The following GRIK4 variants were observed in gnomAD, a reference collection of about 807,000 sequenced individuals.
The protein encoded by GRIK4 is glutamate ionotropic receptor kainate type subunit 4, also known as glutamate receptor ionotropic, kainate 4.
GRIK4 carries 40 observed loss-of-function variants against 104.9 expected under a neutral mutation model. The ratio of observed to expected loss-of-function variants is 0.38; its 90% CI spans 0.30 to 0.50. The LOEUF is 0.50. Among genes scored for constraint, GRIK4 ranks in the 20% least tolerant of loss-of-function variants. The probability of loss-of-function intolerance (pLI) is 0.93; values close to 1 mark genes in which losing one functional copy is unlikely to be tolerated. For synonymous variants in GRIK4, 485 were observed against 524.9 expected (o/e 0.92, Z 1.04); for missense variants, 1,047 against 1,308.1 (o/e 0.80, Z 3.08).
At chr11:120,896,251 C>T (rs1389095749) in intron 11 of GRIK4, among the ~76,000 whole-genome samples, 1 of 152,234 alleles carries the variant, frequency 6.6e-6, no homozygotes, top group Non-Finnish European at 1.5e-5. Flanking sequence ...CTTAAGAGTG[C>T]AGGGCTTAAA....
chr11:120,612,299 A>G (rs984619232), intron 1 of GRIK4, among the ~76,000 whole-genome samples: 1 of 152,052 alleles, frequency 6.6e-6, no homozygotes, highest in African/African-American at 2.4e-5. Flanking sequence ...TAAATTTCCT[A>G]CTATATTTGT....
chr11:120,889,741 A>T (rs1277763924), intron 11 of GRIK4, among the ~76,000 whole-genome samples: 1 of 151,662 alleles, frequency 6.6e-6, no homozygotes, highest in Non-Finnish European at 1.5e-5. Context: ...AGTAGTTATG[A>T]TTACAGGCAT....
rs999735588 is a variant in GRIK4 at position 120,962,388 on chromosome 11, C to T, written c.2041-68C>T. On this transcript the variant is annotated intron_variant, in intron 17 of 20. Transcript: ENST00000527524. ...CGGCATCTTAAGGTGCACTTTGATT[C>T]CCTCTCTTTTTAAGCCAACGTTTCC... 1.2e-4 allele frequency: 128 copies of T among 1,061,814 alleles called. No individual in the cohort carries two copies. The African/African-American group carries it at 1.4e-3, about 12-fold the overall frequency. 65.8% of individuals were successfully genotyped at this position (1,061,814 alleles called of 1,614,324 possible).
chr11:120,539,731 A>T (rs1948013452), intron 1 of GRIK4, among the ~76,000 whole-genome samples: 1 of 152,202 alleles, frequency 6.6e-6, no homozygotes, highest in African/African-American at 2.4e-5. Flanking sequence ...CAAACACACA[A>T]GCAAAACGCC....
rs2135678622 is a variant in GRIK4, at chr11:120,874,122, A to G, written c.963A>G (p.Glu321=). The change falls in exon 10 of 21, where the codon GAA becomes GAG. Residue 321 remains glutamate (E), a synonymous_variant. Transcript: ENST00000527524. ...ATGCTGTGGTGACTGCGGTGCAGGA[A>G]CTGAACCGGAGCCAAGAGATCGGCG... ...AVYAVVTAVQ[E]LNRSQEIGVK... 4 of 1,613,830 alleles carry G rather than the reference A, an allele frequency of 2.5e-6. No homozygotes were observed. In the East Asian group the frequency reaches 8.9e-5, roughly 36 times the overall value.
chr11:120,714,657 A>G (rs1950796199), intron 3 of GRIK4, among the ~76,000 whole-genome samples: 1 of 152,216 alleles, frequency 6.6e-6, no homozygotes, highest in African/African-American at 2.4e-5. Context: ...ATGGCTTCCT[A>G]GAGGAAATGA....
At chr11:120,949,190 T>G (rs908878385) in intron 14 of GRIK4, among the ~76,000 whole-genome samples, 1 of 150,226 alleles carries the variant, frequency 6.7e-6, no homozygotes, top group South Asian at 2.1e-4. Context: ...GAAAGGGGGG[T>G]TTAATGCCAC....
chr11:120,716,787 C>G (rs1266341346), intron 3 of GRIK4, among the ~76,000 whole-genome samples: 1 of 152,136 alleles, frequency 6.6e-6, no homozygotes, highest in African/African-American at 2.4e-5. Context: ...CCTGAAGTTT[C>G]CAGGAGAGAC....
intron 3 of GRIK4, among the ~76,000 whole-genome samples, chr11:120,697,070 G>A (rs958881020): frequency 2.6e-5 from 4 of 152,118 alleles, no homozygotes; most frequent in Non-Finnish European, 5.9e-5. Context: ...CCTTCAACCC[G>A]TTCGCTTCCC....
intron 17 of GRIK4, among the ~76,000 whole-genome samples, chr11:120,961,483 G>A (rs758909900): frequency 5.9e-5 from 9 of 152,160 alleles, no homozygotes; most frequent in South Asian, 2.1e-4. Context: ...GATTTAAATC[G>A]TATAGGTAGT....
intron 2 of GRIK4, among the ~76,000 whole-genome samples, chr11:120,654,815 G>A (rs763601300): frequency 6.6e-6 from 1 of 152,174 alleles, no homozygotes; most frequent in Non-Finnish European, 1.5e-5. Flanking sequence ...CCCAAGGTGT[G>A]CAGCTAGTAC....
chr11:120,717,575 G>T (rs114425269), intron 3 of GRIK4, among the ~76,000 whole-genome samples: 1 of 152,154 alleles, frequency 6.6e-6, no homozygotes, highest in African/African-American at 2.4e-5. Flanking sequence ...AAAAAGCGAT[G>T]GGAGAACTTG....
At chr11:120,823,890 C>T (rs1953187378) in intron 6 of GRIK4, among the ~76,000 whole-genome samples, 1 of 152,188 alleles carries the variant, frequency 6.6e-6, no homozygotes. Flanking sequence ...TCCCCACCCT[C>T]CAGGGCCAGA....
rs1198922270 is a variant in GRIK4, at chr11:120,874,224, G to GA, written c.1059+7dup. 1.2e-6 allele frequency: 2 copies of GA among 1,607,664 alleles called. No individual in the cohort carries two copies. The highest frequency in any genetic ancestry group is 2.7e-5 in the African/African-American group (2 of 74,862). On this transcript the variant is annotated splice_region_variant and intron_variant, in intron 10 of 20. Coordinates refer to ENST00000527524, the MANE Select transcript of GRIK4 (RefSeq NM_014619.5). ...TCATGAACTACCTGCGCATGGTGAG[G>GA]AGCGGCTGAGGCCCTGCAGGGCTGT...
intron 1 of GRIK4, among the ~76,000 whole-genome samples, chr11:120,545,641 G>C (rs1948078841): frequency 6.6e-6 from 1 of 152,146 alleles, no homozygotes; most frequent in Non-Finnish European, 1.5e-5. Flanking sequence ...TTGACTCTAG[G>C]GCCCAGGCTC....
chr11:120,619,901 G>C (rs1213353352), intron 1 of GRIK4: 1 of 276,106 alleles, frequency 3.6e-6, no homozygotes, highest in Non-Finnish European at 6.8e-6. Context: ...ATACTGAAAA[G>C]AGTTAACAGT....
intron 6 of GRIK4, 83 bp from the exon 7 acceptor site, chr11:120,831,769 C>T (rs191347151): frequency 0.054 from 56,764 of 1,059,932 alleles, 1,747 homozygotes; most frequent in Middle Eastern, 0.073. Context: ...CAGCCCACAT[C>T]TCCGTGCCTT....
chr11:120,782,354 C>T (rs576361419), intron 3 of GRIK4, among the ~76,000 whole-genome samples: 4 of 149,726 alleles, frequency 2.7e-5, no homozygotes, highest in East Asian at 3.9e-4. Flanking sequence ...GGCTCAGTCT[C>T]GGCTCACTGC....
At chr11:120,694,406 T>G (rs1392230820) in intron 3 of GRIK4, among the ~76,000 whole-genome samples, 1 of 152,158 alleles carries the variant, frequency 6.6e-6, no homozygotes, top group East Asian at 1.9e-4. Flanking sequence ...CAAACTTAGT[T>G]TTTAGTGGTT....
Sources: gnomAD v4.1 joint callset for allele counts (sites outside exome capture counted in the v4.1 genomes callset) on GRCh38, gnomAD v4.1.1 for gene constraint, MANE v1.5 for transcripts, NCBI Gene and HGNC (gene_info 2026-07-23, HGNC 2026-07-21) for gene names.